ARNT2: variants seen among roughly 807,000 people sequenced by gnomAD.
ARNT2 encodes ARNT protein 2.
ARNT2 carries 36 observed loss-of-function variants against 91.7 expected under a neutral mutation model. That is an observed-to-expected ratio of 0.39 (90% CI 0.30 to 0.52). The LOEUF (loss-of-function observed/expected upper bound fraction) is 0.52, where lower values mean the gene tolerates loss of function less well. ARNT2 is among the 20% of genes least tolerant of loss of function. The pLI, the probability that ARNT2 is intolerant of heterozygous loss-of-function variation, is 0.72. For synonymous variants in ARNT2, 365 were observed against 347.1 expected, an observed-to-expected ratio of 1.05 and a Z score of -0.57; for missense variants, 775 against 939.3, an observed-to-expected ratio of 0.83 and a Z score of 2.29.
Position 80,426,784 on chromosome 15 carries a change from A to G in ARNT2, c.31+22238A>G, listed in dbSNP as rs149857934. Among the ~76,000 whole-genome samples the G allele has an allele frequency of 3.3e-3, 508 of 152,286 alleles. 4 individuals carry two copies. The highest frequency in any genetic ancestry group is 4.8e-3 in the South Asian group (23 of 4,820). On this transcript the variant is annotated intron_variant, in intron 1 of 18. Transcript: ENST00000303329. ...AAATACTATAGACTGGGTGGTTTAA[A>G]CAACAAATATTTATCTTCTCACTCT...
chr15:80,474,885 C>A (rs1255479118), intron 4 of ARNT2, 125 bp from the exon 5 acceptor site: 5 of 1,026,458 alleles, frequency 4.9e-6, no homozygotes, highest in Non-Finnish European at 7.2e-6. Flanking sequence ...TCTCATTTCC[C>A]AAACTATTTG....
At chr15:80,569,947 C>G (rs1898556225) in intron 12 of ARNT2, among the ~76,000 whole-genome samples, 1 of 152,250 alleles carries the variant, frequency 6.6e-6, no homozygotes, top group Non-Finnish European at 1.5e-5. Flanking sequence ...TCATGGATTG[C>G]TGCCATCATG....
chr15:80,414,542 T>C (rs142723811), intron 1 of ARNT2, among the ~76,000 whole-genome samples: 2 of 152,310 alleles, frequency 1.3e-5, no homozygotes, highest in East Asian at 1.9e-4. Context: ...GAGATAATTA[T>C]GAAATCCGTG....
intron 11 of ARNT2, 187 bp downstream of exon 11, chr15:80,555,326 G>T: frequency 1.7e-6 from 1 of 575,222 alleles, no homozygotes; most frequent in Admixed American, 3.0e-5. Flanking sequence ...CAGTAAATAA[G>T]TACTATGTAA....
At chr15:80,497,641 C>T (rs1437824765) in intron 5 of ARNT2, among the ~76,000 whole-genome samples, 5 of 152,176 alleles carry the variant, frequency 3.3e-5, no homozygotes, top group Non-Finnish European at 5.9e-5. Context: ...GCCATGGAAA[C>T]TAATATAGAT....
In ARNT2 at chr15:80,580,437, T is replaced by G; in HGVS notation, c.1640T>G (p.Val547Gly). Residue 547 changes from valine to glycine, a missense_variant, in exon 16 of 19, where the codon GTG becomes GGG. Coordinates refer to ENST00000303329, the MANE Select transcript of ARNT2 (RefSeq NM_014862.4). ...TCTTCAGTGGTTCATGTGCCTGGAG[T>G]GAATGATATTCAGTCCTCTTCTTCC... ...FSSSVVHVPG[V>G]NDIQSSSSTG... is the part of the protein sequence containing the mutation. 6.2e-7 allele frequency: 1 copy of G among 1,614,016 alleles called. No homozygotes were observed. Among genetic ancestry groups the G allele is most frequent in the South Asian group, 1.1e-5 (1 of 91,060 alleles).
Position 80,508,141 on chromosome 15 carries a change from TTC to T in ARNT2, c.623-5_623-4del, listed in dbSNP as rs201042855. ...AAGGCAGAGGCTTACGTAACTGTCCTTCTCTCTCTCTTAGGCCGGATCTTGGA... is the reference window on the plus strand; with the variant it reads ...AAGGCAGAGGCTTACGTAACTGTCCTTCTCTCTCTTAGGCCGGATCTTGGA... On this transcript the variant is annotated splice_polypyrimidine_tract_variant and intron_variant, in intron 5 of 18. Coordinates refer to ENST00000303329, the MANE Select transcript of ARNT2 (RefSeq NM_014862.4). 3.7e-6 allele frequency: 6 copies of T among 1,611,632 alleles called. No homozygotes were observed. Among genetic ancestry groups the T allele is most frequent in the Admixed American group, 1.7e-5 (1 of 59,980 alleles).
rs978520063 is a variant in ARNT2, at chr15:80,462,385, T to A, written c.194+4409T>A. On this transcript the variant is annotated intron_variant, in intron 3 of 18. Coordinates refer to ENST00000303329, the MANE Select transcript of ARNT2 (RefSeq NM_014862.4). ...TCATCGTGTGCCTTACGTATGTGAA[T>A]GTATGCGTAATGTGTCATTAAAACA... 2.0e-5 allele frequency among the ~76,000 whole-genome samples: 3 copies of A among 152,218 alleles called. No homozygotes were observed. In the South Asian group the frequency reaches 6.2e-4, roughly 32 times the overall value.
chr15:80,574,049 T>C, intron 12 of ARNT2, 99 bp from the exon 13 acceptor site: 1 of 899,392 alleles, frequency 1.1e-6, no homozygotes, highest in Non-Finnish European at 1.9e-6. Flanking sequence ...CCATCGGATA[T>C]CACCCACTCT....
At chr15:80,478,586 T>C (rs758534473) in intron 5 of ARNT2, among the ~76,000 whole-genome samples, 4 of 152,186 alleles carry the variant, frequency 2.6e-5, no homozygotes, top group Non-Finnish European at 5.9e-5. Context: ...AGGAACAAGA[T>C]GAGGCTGGAG....
chr15:80,439,509 A>G (rs1330030724), intron 1 of ARNT2, among the ~76,000 whole-genome samples: 1 of 152,210 alleles, frequency 6.6e-6, no homozygotes, highest in Non-Finnish European at 1.5e-5. Flanking sequence ...ATGATTCTGT[A>G]TCCTGCTCCA....
intron 11 of ARNT2, among the ~76,000 whole-genome samples, chr15:80,559,853 G>A (rs941408312): frequency 2.0e-5 from 3 of 152,210 alleles, no homozygotes; most frequent in African/African-American, 7.2e-5. Flanking sequence ...GCTTGGCCTT[G>A]GCCATCTACC....
chr15:80,548,850 A>G (rs2141454426), intron 8 of ARNT2, among the ~76,000 whole-genome samples: 1 of 152,248 alleles, frequency 6.6e-6, no homozygotes, highest in Middle Eastern at 3.4e-3. Context: ...TAATTTACAA[A>G]TTCAATGCAA....
intron 2 of ARNT2, among the ~76,000 whole-genome samples, chr15:80,452,830 G>C (rs958233705): frequency 6.6e-6 from 1 of 152,206 alleles, no homozygotes; most frequent in Non-Finnish European, 1.5e-5. Flanking sequence ...GTGAGCCGAG[G>C]CTGCTTCCCT....
chr15:80,523,982 G>A (rs1897594394), intron 8 of ARNT2, among the ~76,000 whole-genome samples: 1 of 152,184 alleles, frequency 6.6e-6, no homozygotes, highest in Non-Finnish European at 1.5e-5. Context: ...AAGTATTTGA[G>A]GGGGTGTCAT....
At chr15:80,546,114 A>G (rs984194430) in intron 8 of ARNT2, among the ~76,000 whole-genome samples, 1 of 152,228 alleles carries the variant, frequency 6.6e-6, no homozygotes, top group African/African-American at 2.4e-5. Context: ...TGCTGCGTAT[A>G]ACAGAAAATC....
chr15:80,524,736 G>A (rs556717084), intron 8 of ARNT2, among the ~76,000 whole-genome samples: 9 of 152,096 alleles, frequency 5.9e-5, no homozygotes, highest in South Asian at 2.1e-4. Flanking sequence ...TTAGCTGGGC[G>A]TGGTGGCGGG....
intron 1 of ARNT2, among the ~76,000 whole-genome samples, chr15:80,422,655 C>T (rs7182420): frequency 0.73 from 110,594 of 152,078 alleles, 40,640 homozygotes; most frequent in East Asian, 0.8. Flanking sequence ...AAACATGCTT[C>T]GGCTATCAAT....
At chr15:80,522,079 A>G (rs563184591) in intron 8 of ARNT2, among the ~76,000 whole-genome samples, 4 of 152,206 alleles carry the variant, frequency 2.6e-5, no homozygotes, top group Non-Finnish European at 5.9e-5. Context: ...CGTAAAAAGA[A>G]TGAGTTTTCT....
Sources: allele counts gnomAD v4.1 joint callset (sites outside exome capture counted in the v4.1 genomes callset), GRCh38; gene constraint gnomAD v4.1.1; transcripts MANE v1.5; gene names NCBI Gene and HGNC (gene_info 2026-07-23, HGNC 2026-07-21).